ZBBX: variants seen among roughly 807,000 people sequenced by gnomAD.
ZBBX encodes zinc finger B-box domain containing.
Under a neutral mutation model 108.5 loss-of-function variants are expected in ZBBX, and 101 were observed. That is an observed-to-expected ratio of 0.93 (90% CI 0.79 to 1.10). The LOEUF is 1.10. Among genes scored for constraint, ZBBX ranks in the 50% least tolerant of loss-of-function variants. The probability of loss-of-function intolerance (pLI) is 0.00; values close to 1 mark genes in which losing one functional copy is unlikely to be tolerated. For missense variants in ZBBX, 1,009 were observed against 941.4 expected, an observed-to-expected ratio of 1.07 and a Z score of -0.94; for synonymous variants, 356 against 323.4, an observed-to-expected ratio of 1.10 and a Z score of -1.08.
In ZBBX at chr3:167,263,255, T is replaced by A. The variant is rs182876786; in HGVS notation, c.2254+18983A>T. 2.0e-5 allele frequency among the ~76,000 whole-genome samples: 3 copies of A among 152,242 alleles called. No individual in the cohort carries two copies. The East Asian group carries it at 5.8e-4, about 29-fold the overall frequency. ...TTTCACCTGCCTCAGCCTCCCAAAG[T>A]GCTGGGATTACAGGCATGAGCTATG... is the stretch of plus-strand genomic sequence containing the variant. On this transcript the variant is annotated intron_variant, in intron 20 of 21. Transcript: ENST00000675490.
At chr3:167,391,446 C>CT (rs1383655630) in intron 1 of ZBBX, among the ~76,000 whole-genome samples, 1 of 151,852 alleles carries the variant, frequency 6.6e-6, no homozygotes, top group Non-Finnish European at 1.5e-5. Flanking sequence ...CTGAAATTTT[C>CT]TTTTTTTGTT....
chr3:167,305,576 T>C (rs1404942598), intron 17 of ZBBX, 67 bp downstream of exon 17: 20 of 1,196,762 alleles, frequency 1.7e-5, no homozygotes, highest in Non-Finnish European at 2.2e-5. Context: ...ATGTATTGTG[T>C]CACTAAGACA....
chr3:167,226,220 C>G, the ZBBX span, among the ~76,000 whole-genome samples: 10 of 151,758 alleles, frequency 6.6e-5, no homozygotes, highest in Non-Finnish European at 1.0e-4. Context: ...ATGTGTGATT[C>G]CTTTCTGCAA....
At chr3:167,280,404 C>A (rs1309035375) in intron 20 of ZBBX, among the ~76,000 whole-genome samples, 1 of 150,466 alleles carries the variant, frequency 6.6e-6, no homozygotes. Flanking sequence ...AACAAATTTA[C>A]AAGAAAAAAA....
At position 167,359,893 on chromosome 3, in the gene ZBBX, A is replaced by G; in HGVS notation, c.409T>C (p.Cys137Arg). 1 of 1,553,024 alleles carries G rather than the reference A, an allele frequency of 6.4e-7. No individual in the cohort carries two copies. The highest frequency in any genetic ancestry group is 2.4e-5 in the East Asian group (1 of 42,346). The change falls in exon 8 of 22, where the codon TGT becomes CGT. Residue 137 changes from cysteine to arginine, a missense_variant. Transcript: ENST00000675490. ...ACCAGTAGAGCAGCTTTGTTCTCACACTGTCCACATACTTTCCCATTTATC... is the reference window on the plus strand; with the variant it reads ...ACCAGTAGAGCAGCTTTGTTCTCACGCTGTCCACATACTTTCCCATTTATC... ...PKINGKVCGQ[C>R]ENKAALLVCL...
chr3:167,348,370 A>AAG (rs1366052823), intron 9 of ZBBX, among the ~76,000 whole-genome samples: 2 of 133,984 alleles, frequency 1.5e-5, no homozygotes, highest in Admixed American at 7.4e-5. Context: ...GAAAGAAAGA[A>AAG]AAAAAAGAAA....
chr3:167,381,386 C>T (rs1171931159), upstream of ZBBX: 1 of 152,038 alleles, frequency 6.6e-6, no homozygotes, highest in Non-Finnish European at 1.5e-5. Flanking sequence ...GATAACAGTA[C>T]AGTTAGTCCA....
chr3:167,275,917 C>G (rs945455990), intron 20 of ZBBX, among the ~76,000 whole-genome samples: 1 of 152,194 alleles, frequency 6.6e-6, no homozygotes, highest in Non-Finnish European at 1.5e-5. Context: ...TCTCCCAGCA[C>G]ACAGCTGGAG....
intron 18 of ZBBX, among the ~76,000 whole-genome samples, chr3:167,295,836 G>A (rs570519535): frequency 6.8e-6 from 1 of 146,538 alleles, no homozygotes; most frequent in African/African-American, 2.5e-5. Context: ...AATTGCATTA[G>A]TGGTGAGTTC....
rs189680674 is a variant in ZBBX at position 167,352,351 on chromosome 3, G to C, written c.433-1836C>G. Among the ~76,000 whole-genome samples, 220 of 152,130 alleles carry C rather than the reference G, an allele frequency of 1.4e-3. 2 individuals are homozygous for C. Among genetic ancestry groups the C allele is most frequent in the African/African-American group, 5.1e-3 (210 of 41,546 alleles). On this transcript the variant is annotated intron_variant, in intron 8 of 21. Transcript: ENST00000675490. ...ACAAAAGATCATCAGAGACTACTAT[G>C]AGCATCTCCACACACAAACTAGAAA...
At chr3:167,344,233 A>G (rs750699463) in intron 9 of ZBBX, among the ~76,000 whole-genome samples, 5 of 151,852 alleles carry the variant, frequency 3.3e-5, no homozygotes, top group Non-Finnish European at 5.9e-5. Flanking sequence ...AGGATGGAGC[A>G]AAAGGGTATG....
At chr3:167,385,982 G>A (rs934123261) in intron 1 of ZBBX, among the ~76,000 whole-genome samples, 11 of 151,982 alleles carry the variant, frequency 7.2e-5, no homozygotes, top group Non-Finnish European at 1.3e-4. Flanking sequence ...TGGCAGCCAT[G>A]TTTCATTATG....
intron 18 of ZBBX, among the ~76,000 whole-genome samples, chr3:167,289,648 G>A (rs911314964): frequency 6.6e-6 from 1 of 152,230 alleles, no homozygotes; most frequent in Admixed American, 6.5e-5. Context: ...CAGGGACCTT[G>A]GTTTCCAGCA....
intron 5 of ZBBX, among the ~76,000 whole-genome samples, chr3:167,367,337 T>C (rs1577103879): frequency 6.6e-6 from 1 of 151,926 alleles, no homozygotes; most frequent in Non-Finnish European, 1.5e-5. Context: ...TAGCTTTGCA[T>C]ATGTAAGCGA....
chr3:167,274,170 T>C (rs1328134416), intron 20 of ZBBX, among the ~76,000 whole-genome samples: 1 of 152,210 alleles, frequency 6.6e-6, no homozygotes, highest in Non-Finnish European at 1.5e-5. Flanking sequence ...TTACAGAGAC[T>C]GACTGCTTTG....
In ZBBX at chr3:167,331,036, A is replaced by T. The variant is rs1738531625; in HGVS notation, c.687+2791T>A. 2.0e-5 allele frequency among the ~76,000 whole-genome samples: 3 copies of T among 148,168 alleles called. No homozygotes were observed. The Admixed American group carries it at 2.1e-4, about 10-fold the overall frequency. ...ATAAGAACACAGCAAGAAGGCAGCC[A>T]TCTAAAAGCCAGGAAGTAAAGCCTC... is the stretch of plus-strand genomic sequence containing the variant. On this transcript the variant is annotated intron_variant, in intron 10 of 21. Coordinates refer to ENST00000675490, the MANE Select transcript of ZBBX (RefSeq NM_001199201.2).
intron 1 of ZBBX, among the ~76,000 whole-genome samples, chr3:167,398,383 G>A (rs1385860744): frequency 6.6e-6 from 1 of 151,954 alleles, no homozygotes; most frequent in Non-Finnish European, 1.5e-5. Context: ...TCTTTAAAGG[G>A]CCCAATAACA....
intron 17 of ZBBX, among the ~76,000 whole-genome samples, chr3:167,305,299 G>GA (rs1329223140): frequency 3.3e-5 from 5 of 151,958 alleles, no homozygotes; most frequent in African/African-American, 1.2e-4. Context: ...TATATTATCG[G>GA]AAAAAACTAG....
intron 16 of ZBBX, among the ~76,000 whole-genome samples, chr3:167,310,432 C>T (rs537795528): frequency 6.6e-6 from 1 of 152,194 alleles, no homozygotes; most frequent in East Asian, 1.9e-4. Context: ...TCTGTTAGTC[C>T]ATTTTTAAAC....
Sources: gnomAD v4.1 joint callset for allele counts (sites outside exome capture counted in the v4.1 genomes callset) on GRCh38, gnomAD v4.1.1 for gene constraint, MANE v1.5 for transcripts, NCBI Gene and HGNC (gene_info 2026-07-23, HGNC 2026-07-21) for gene names.